Variants in JAKMIP1 observed in about 807,000 individuals in gnomAD.
JAKMIP1 encodes the protein janus kinase and microtubule interacting protein 1.
Under a neutral mutation model 113.0 loss-of-function variants are expected in JAKMIP1, and 33 were observed. That is an observed-to-expected ratio of 0.29 (90% CI 0.22 to 0.39). The LOEUF is 0.39. JAKMIP1 is among the 10% of genes least tolerant of loss of function. JAKMIP1 has a pLI of 1.00. For missense variants in JAKMIP1, 813 were observed against 1,080.5 expected (o/e 0.75, Z 3.47); for synonymous variants, 480 against 459.9 (o/e 1.04, Z -0.56).
At chr4:6,146,191 T>C (rs1402393055) in intron 1 of JAKMIP1, among the ~76,000 whole-genome samples, 1 of 118,544 alleles carries the variant, frequency 8.4e-6, no homozygotes, top group Non-Finnish European at 1.6e-5. Flanking sequence ...GAAGTCAAAC[T>C]CATAGAGACA....
chr4:6,063,242 C>T (rs148585541), intron 9 of JAKMIP1, among the ~76,000 whole-genome samples: 2 of 152,346 alleles, frequency 1.3e-5, no homozygotes, highest in African/African-American at 4.8e-5. Flanking sequence ...ATAAATCCCT[C>T]ATCAGTGCGT....
chr4:6,050,497 G>C lies in JAKMIP1; in HGVS notation c.1908+81C>G. 1.1e-6 allele frequency: 1 copy of C among 927,374 alleles called. No individual in the cohort carries two copies. The highest frequency in any genetic ancestry group is 2.6e-5 in the East Asian group (1 of 37,762). The allele number at this position is 927,374 out of a possible 1,614,324, so 57.4% of individuals were successfully genotyped here. On this transcript the variant is annotated intron_variant, in intron 14 of 20. Coordinates refer to ENST00000409021, the MANE Select transcript of JAKMIP1 (RefSeq NM_001099433.2). This position sits in a 1 kb window ranked among gnomAD's most constrained non-coding sequence, Gnocchi z 7.4. ...TCTCATGAAAATCAATTCTATCCCA[G>C]CACTCCCCCTTTGCAGCTGAGCCGG... is the stretch of plus-strand genomic sequence containing the variant.
rs191537021 is a variant in JAKMIP1, at chr4:6,157,886, C to T, written c.-148+42367G>A. Among the ~76,000 whole-genome samples the T allele has an allele frequency of 3.3e-5, 5 of 152,380 alleles. No individual in the cohort carries two copies. Among genetic ancestry groups the T allele is most frequent in the Non-Finnish European group, 5.9e-5 (4 of 68,040 alleles). ...GTTGTCTATTTCCTTTCCTTGGGCT[C>T]TGTTAGAACCAAGGGTGTCTTGCTT... is the stretch of plus-strand genomic sequence containing the variant. On this transcript the variant is annotated intron_variant, in intron 1 of 20. Transcript: ENST00000409021. The surrounding 1 kb of genome is among the most constrained non-coding windows in gnomAD (Gnocchi z 4.7).
chr4:6,085,660 C>G, intron 3 of JAKMIP1, 31 bp from the exon 4 acceptor site: 4 of 1,601,346 alleles, frequency 2.5e-6, no homozygotes, highest in Non-Finnish European at 3.4e-6. Context: ...GCAGTCAGCC[C>G]TAGGGGCTCA....
chr4:6,117,729 G>C (rs1716040535), intron 1 of JAKMIP1, among the ~76,000 whole-genome samples: 3 of 151,912 alleles, frequency 2.0e-5, no homozygotes, highest in Non-Finnish European at 4.4e-5. Context: ...TACGCCCCGG[G>C]GGGCCAGTTC....
intron 3 of JAKMIP1, among the ~76,000 whole-genome samples, chr4:6,092,832 G>A (rs1460777925): frequency 6.6e-6 from 1 of 152,208 alleles, no homozygotes; most frequent in Non-Finnish European, 1.5e-5. Flanking sequence ...GATTCTACCT[G>A]TGATGCTTCA....
chr4:6,146,399 C>T (rs1720853907), intron 1 of JAKMIP1, among the ~76,000 whole-genome samples: 1 of 152,142 alleles, frequency 6.6e-6, no homozygotes, highest in Non-Finnish European at 1.5e-5. Flanking sequence ...CTCATGTGAT[C>T]CTCCCACCTC....
rs1714171756 is a variant in JAKMIP1 at position 6,040,498 on chromosome 4, G to T, written c.2175+141C>A. 1.4e-6 allele frequency: 1 copy of T among 714,512 alleles called. No homozygotes were observed. The highest frequency in any genetic ancestry group is 2.6e-6 in the Non-Finnish European group (1 of 386,194). 44.3% of individuals were successfully genotyped at this position (714,512 alleles called of 1,614,324 possible). A position where few individuals can be genotyped will look rare whatever the true frequency, so the allele number is the denominator to read the frequency against. ...AGGGACAGTCTGTACGGTCATTCCA[G>T]TCACAAGGTGGAGATGGCATTTTTA... is the stretch of plus-strand genomic sequence containing the variant. On this transcript the variant is annotated intron_variant, in intron 18 of 20. Coordinates refer to ENST00000409021, the MANE Select transcript of JAKMIP1 (RefSeq NM_001099433.2). The surrounding 1 kb of genome is among the most constrained non-coding windows in gnomAD (Gnocchi z 5.8).
In JAKMIP1 at chr4:6,042,071, G is replaced by A; in HGVS notation, c.2097+88C>T. 1 of 1,085,010 alleles carries A rather than the reference G, an allele frequency of 9.2e-7. No homozygotes were observed. The allele number at this position is 1,085,010 out of a possible 1,614,324, so 67.2% of individuals were successfully genotyped here. ...ATTGAGAAATGCATGCAAATCATTA[G>A]GAAAACACATGCAAAGCCTTCCTGC... On this transcript the variant is annotated intron_variant, in intron 17 of 20. Transcript: ENST00000409021. The surrounding 1 kb of genome is among the most constrained non-coding windows in gnomAD (Gnocchi z 5.2).
At chr4:6,083,908 T>C (rs181047961) in intron 5 of JAKMIP1, among the ~76,000 whole-genome samples, 141 of 152,314 alleles carry the variant, frequency 9.3e-4, no homozygotes, top group African/African-American at 3.0e-3. Flanking sequence ...CAGAAGTCCA[T>C]GTTCATTATT....
Position 6,156,902 on chromosome 4 carries a change from T to C in JAKMIP1, c.-148+43351A>G, listed in dbSNP as rs1395527323. Among the ~76,000 whole-genome samples, 2 of 152,224 alleles carry C rather than the reference T, an allele frequency of 1.3e-5. No homozygotes were observed. The highest frequency in any genetic ancestry group is 4.8e-5 in the African/African-American group (2 of 41,460). On this transcript the variant is annotated intron_variant, in intron 1 of 20. Coordinates refer to ENST00000409021, the MANE Select transcript of JAKMIP1 (RefSeq NM_001099433.2). This position sits in a 1 kb window ranked among gnomAD's most constrained non-coding sequence, Gnocchi z 5.0. ...CCCCATTGGCCAACAGCCACAGCCC[T>C]GAATTTTCTATAACAAGTTCCATGG... is the stretch of plus-strand genomic sequence containing the variant.
chr4:6,101,811 CAGG>C (rs1263981554), intron 3 of JAKMIP1, among the ~76,000 whole-genome samples: 1 of 148,602 alleles, frequency 6.7e-6, no homozygotes, highest in East Asian at 2.0e-4. Context: ...GAGGCTGAGG[CAGG>C]AGAATTGCTT....
At position 6,105,453 on chromosome 4, in the gene JAKMIP1, G is replaced by C. The variant is rs757495888; in HGVS notation, c.624+20C>G. ...AGGGAAGGCCGCGTGCCCGCGGGCG[G>C]GGGAGGGGGCGGCACGTACCAGCCT... On this transcript the variant is annotated intron_variant, in intron 3 of 20. Coordinates refer to ENST00000409021, the MANE Select transcript of JAKMIP1 (RefSeq NM_001099433.2). 5.1e-6 allele frequency: 8 copies of C among 1,568,310 alleles called. No homozygotes were observed. The highest frequency in any genetic ancestry group is 6.9e-6 in the Non-Finnish European group (8 of 1,160,026).
rs9992196 is a variant in JAKMIP1 at position 6,139,635 on chromosome 4, A to G, written c.-147-26638T>C. Reference sequence around the variant, plus strand: ...ACAAAAATTAGCCAGGTGTGGTGGCACACACCTGTAGTCCCAGCTACTTGG... The same window carrying G: ...ACAAAAATTAGCCAGGTGTGGTGGCGCACACCTGTAGTCCCAGCTACTTGG... On this transcript the variant is annotated intron_variant, in intron 1 of 20. Transcript: ENST00000409021. This position sits in a 1 kb window ranked among gnomAD's most constrained non-coding sequence, Gnocchi z 5.2. Among the ~76,000 whole-genome samples the G allele has an allele frequency of 0.54, 82,554 of 151,640 alleles. 23,401 individuals are homozygous for G. The highest frequency in any genetic ancestry group is 0.63 in the Admixed American group (9,555 of 15,262).
At position 6,094,453 on chromosome 4, in the gene JAKMIP1, C is replaced by G. The variant is rs966999940; in HGVS notation, c.625-8824G>C. 6.6e-6 allele frequency among the ~76,000 whole-genome samples: 1 copy of G among 152,174 alleles called. No individual in the cohort carries two copies. Among genetic ancestry groups the G allele is most frequent in the Admixed American group, 6.5e-5 (1 of 15,284 alleles). The stretch of plus-strand genomic sequence containing the variant: ...AAACAGCCTGGCCCCAGTGAGAGGG[C>G]TTGGCAGACAGGCATGGGAGTAAAC... On this transcript the variant is annotated intron_variant, in intron 3 of 20. Transcript: ENST00000409021. The surrounding 1 kb of genome is among the most constrained non-coding windows in gnomAD (Gnocchi z 4.2).
chr4:6,099,003 T>G (rs1230961219), intron 3 of JAKMIP1, among the ~76,000 whole-genome samples: 1 of 152,246 alleles, frequency 6.6e-6, no homozygotes, highest in Non-Finnish European at 1.5e-5. Context: ...TTCTTGCCTG[T>G]TTTGGAAATT....
chr4:6,032,195 C>T (rs558740705), intron 19 of JAKMIP1, among the ~76,000 whole-genome samples: 1 of 152,302 alleles, frequency 6.6e-6, no homozygotes, highest in Non-Finnish European at 1.5e-5. Flanking sequence ...ATGGGATCTG[C>T]AGGACAATGC....
At chr4:6,037,409 T>A (rs10526085) in intron 18 of JAKMIP1, among the ~76,000 whole-genome samples, 10 of 76,468 alleles carry the variant, frequency 1.3e-4, no homozygotes, top group South Asian at 4.3e-4. Flanking sequence ...GAGGCAGAGG[T>A]TAACCCAGTA....
chr4:6,194,296 C>A lies in JAKMIP1; in HGVS notation c.-148+5957G>T, dbSNP rs940780675. ...AAAACGGTTTACAGTAAATGAATTT[C>A]ACCTCAATTTTTTTAAGAAAAAGAA... On this transcript the variant is annotated intron_variant, in intron 1 of 20. Transcript: ENST00000409021. This position sits in a 1 kb window ranked among gnomAD's most constrained non-coding sequence, Gnocchi z 7.4. 1.3e-5 allele frequency among the ~76,000 whole-genome samples: 2 copies of A among 152,098 alleles called. No individual in the cohort carries two copies. Among genetic ancestry groups the A allele is most frequent in the Non-Finnish European group, 2.9e-5 (2 of 68,030 alleles).
Sources: allele counts gnomAD v4.1 joint callset (sites outside exome capture counted in the v4.1 genomes callset), GRCh38; gene constraint gnomAD v4.1.1; non-coding constraint Gnocchi (gnomAD v3.1); transcripts MANE v1.5; gene names NCBI Gene and HGNC (gene_info 2026-07-23, HGNC 2026-07-21).